The following PCOLCE2 variants were observed in gnomAD, a reference collection of about 807,000 sequenced individuals.
PCOLCE2 encodes procollagen C-endopeptidase enhancer 2.
PCOLCE2 carries 42 observed loss-of-function variants against 47.0 expected under a neutral mutation model. The ratio of observed to expected loss-of-function variants is 0.89; its 90% CI spans 0.70 to 1.16. The LOEUF (loss-of-function observed/expected upper bound fraction) is 1.16. Among genes scored for constraint, PCOLCE2 ranks in the 50% most tolerant of loss-of-function variants. The pLI is 0.00. For synonymous variants in PCOLCE2, 169 were observed against 191.7 expected (o/e 0.88, Z 0.98); for missense variants, 500 against 526.1 (o/e 0.95, Z 0.49).
intron 3 of PCOLCE2, among the ~76,000 whole-genome samples, chr3:142,845,923 C>A (rs991018305): frequency 6.6e-6 from 1 of 151,938 alleles, no homozygotes; most frequent in Non-Finnish European, 1.5e-5. Context: ...TGCAGTGGGC[C>A]GAGATAGCAC....
intron 3 of PCOLCE2, among the ~76,000 whole-genome samples, chr3:142,847,133 C>T (rs1209776621): frequency 6.6e-6 from 1 of 152,218 alleles, no homozygotes; most frequent in African/African-American, 2.4e-5. Flanking sequence ...AACTTAAAGT[C>T]TGTTTCCCTG....
At chr3:142,838,323 C>T (rs1404861631) in intron 5 of PCOLCE2, among the ~76,000 whole-genome samples, 1 of 152,040 alleles carries the variant, frequency 6.6e-6, no homozygotes, top group African/African-American at 2.4e-5. Context: ...TGAGGAGAAG[C>T]GTGGTGGGAG....
chr3:142,818,187 C>T lies in PCOLCE2; in HGVS notation c.*148G>A. On this transcript the variant is annotated 3_prime_UTR_variant, in exon 9 of 9. Transcript: ENST00000295992. ...CCTCAGCTATCTCGGAGGCCTCATA[C>T]CTCCATCATGTGAAGAGTCAACCAG... is the stretch of plus-strand genomic sequence containing the variant. 2.9e-6 allele frequency: 2 copies of T among 698,982 alleles called. No homozygotes were observed. The highest frequency in any genetic ancestry group is 4.1e-5 in the South Asian group (2 of 48,710). The allele number at this position is 698,982 out of a possible 1,614,324, so 43.3% of individuals were successfully genotyped here. A position where few individuals can be genotyped will look rare whatever the true frequency, so the allele number is the denominator to read the frequency against.
At chr3:142,832,200 TC>T (rs1937158817) in intron 5 of PCOLCE2, among the ~76,000 whole-genome samples, 1 of 152,132 alleles carries the variant, frequency 6.6e-6, no homozygotes, top group Admixed American at 6.6e-5. Context: ...ACCCTCCTCT[TC>T]ATTTCTACCA....
At position 142,853,422 on chromosome 3, in the gene PCOLCE2, T is replaced by C. The variant is rs78168111; in HGVS notation, c.193-4950A>G. On this transcript the variant is annotated intron_variant, in intron 2 of 8. Transcript: ENST00000295992. ...GGCTCAGCCCACTCACTGCATGTTA[T>C]AAAGCTCAACCTCGAGGGGGCAAGG... Among the ~76,000 whole-genome samples the C allele has an allele frequency of 4.7e-3, 717 of 152,308 alleles. 7 individuals are homozygous for C. Among genetic ancestry groups the C allele is most frequent in the African/African-American group, 0.016 (681 of 41,552 alleles).
At chr3:142,837,766 C>T (rs1302963292) in intron 5 of PCOLCE2, among the ~76,000 whole-genome samples, 5 of 152,104 alleles carry the variant, frequency 3.3e-5, no homozygotes, top group African/African-American at 1.2e-4. Flanking sequence ...ATAATTACAC[C>T]AGAAATACAG....
chr3:142,826,730 G>A (rs569723821), intron 6 of PCOLCE2, among the ~76,000 whole-genome samples: 22 of 152,248 alleles, frequency 1.4e-4, no homozygotes, highest in Non-Finnish European at 2.1e-4. Context: ...TTGTGCTGGC[G>A]TCTCCAGTAG....
At chr3:142,841,889 C>T (rs1044541760) in intron 4 of PCOLCE2, among the ~76,000 whole-genome samples, 1 of 152,066 alleles carries the variant, frequency 6.6e-6, no homozygotes, top group Non-Finnish European at 1.5e-5. Context: ...ATAAAGTTAT[C>T]TTTAAAGGTC....
intron 2 of PCOLCE2, among the ~76,000 whole-genome samples, chr3:142,874,042 A>G (rs949016190): frequency 2.0e-5 from 3 of 152,092 alleles, no homozygotes; most frequent in African/African-American, 7.2e-5. Context: ...GTTCTCATGA[A>G]AGTGAATGAG....
intron 6 of PCOLCE2, among the ~76,000 whole-genome samples, chr3:142,825,228 C>T (rs949844062): frequency 3.9e-5 from 6 of 152,044 alleles, no homozygotes; most frequent in African/African-American, 9.7e-5. Flanking sequence ...CATTGGGAAC[C>T]GGCTGCTTCT....
Position 142,872,911 on chromosome 3 carries a change from C to T in PCOLCE2, c.192+14758G>A, listed in dbSNP as rs192484047. ...CCCAAAAAAAGTGCTTTTATTTTCC[C>T]CCAAAAGATTTATGGTCTAAACGGA... On this transcript the variant is annotated intron_variant, in intron 2 of 8. Coordinates refer to ENST00000295992, the MANE Select transcript of PCOLCE2 (RefSeq NM_013363.4). Among the ~76,000 whole-genome samples the T allele has an allele frequency of 4.6e-5, 7 of 152,204 alleles. No individual in the cohort carries two copies. In the East Asian group the frequency reaches 1.3e-3, roughly 29 times the overall value.
intron 2 of PCOLCE2, among the ~76,000 whole-genome samples, chr3:142,881,933 T>A (rs1356954669): frequency 6.6e-6 from 1 of 152,158 alleles, no homozygotes. Flanking sequence ...CACATACTTT[T>A]CACTTTAATG....
At chr3:142,885,858 T>C (rs1420478614) in intron 2 of PCOLCE2, among the ~76,000 whole-genome samples, 4 of 152,212 alleles carry the variant, frequency 2.6e-5, no homozygotes, top group African/African-American at 9.6e-5. Context: ...GAGTCCTGTT[T>C]ACCTTCTTCG....
chr3:142,885,850 G>T (rs923439368), intron 2 of PCOLCE2, among the ~76,000 whole-genome samples: 2 of 152,136 alleles, frequency 1.3e-5, no homozygotes, highest in African/African-American at 4.8e-5. Context: ...GGCCTACAGA[G>T]TCCTGTTTAC....
chr3:142,818,972 CATCCTCAGAT>C (rs1205432642), intron 8 of PCOLCE2, among the ~76,000 whole-genome samples: 1 of 152,180 alleles, frequency 6.6e-6, no homozygotes, highest in Non-Finnish European at 1.5e-5. Flanking sequence ...CATGATGGGC[CATCCTCAGAT>C]GGCTTCTCAG....
At chr3:142,826,936 A>G (rs1937086586) in intron 6 of PCOLCE2, among the ~76,000 whole-genome samples, 1 of 152,176 alleles carries the variant, frequency 6.6e-6, no homozygotes, top group Non-Finnish European at 1.5e-5. Flanking sequence ...CTCTTCAAAA[A>G]GACGGAAGTT....
rs1937276987 is a variant in PCOLCE2 at position 142,842,671 on chromosome 3, G to A, written c.573+253C>T. Reference sequence around the variant, plus strand: ...GGAGAATCGCTTGAACCCAGGAGGTGGAGGTTGCGGTGAGCTGAGATCGCA... The same window carrying A: ...GGAGAATCGCTTGAACCCAGGAGGTAGAGGTTGCGGTGAGCTGAGATCGCA... On this transcript the variant is annotated intron_variant, in intron 4 of 8. Coordinates refer to ENST00000295992, the MANE Select transcript of PCOLCE2 (RefSeq NM_013363.4). This position sits in a 1 kb window ranked among gnomAD's most constrained non-coding sequence, Gnocchi z 4.1. 3.3e-5 allele frequency among the ~76,000 whole-genome samples: 5 copies of A among 151,946 alleles called. 1 individual carries two copies. In the South Asian group the frequency reaches 1.0e-3, roughly 32 times the overall value.
At chr3:142,867,714 T>G (rs115127732) in intron 2 of PCOLCE2, among the ~76,000 whole-genome samples, 2,213 of 152,280 alleles carry the variant, frequency 0.015, 23 homozygotes, top group Non-Finnish European at 0.026. Flanking sequence ...AGACTGATGA[T>G]ACCAAATATC....
chr3:142,854,655 A>T (rs1489667782), intron 2 of PCOLCE2, among the ~76,000 whole-genome samples: 1 of 152,196 alleles, frequency 6.6e-6, no homozygotes, highest in African/African-American at 2.4e-5. Context: ...AGGGGCGTGG[A>T]AACTCCCATC....
Sources: gnomAD v4.1 joint callset for allele counts (sites outside exome capture counted in the v4.1 genomes callset) on GRCh38, gnomAD v4.1.1 for gene constraint, Gnocchi (gnomAD v3.1) non-coding constraint, MANE v1.5 for transcripts, NCBI Gene and HGNC (gene_info 2026-07-23, HGNC 2026-07-21) for gene names.